Variants in ATP10A observed in about 807,000 individuals in gnomAD.
ATP10A encodes the protein ATPase phospholipid transporting 10A (putative), also known as phospholipid-transporting ATPase VA.
A neutral mutation model predicts 147.8 loss-of-function variants in ATP10A; 111 were observed. The observed-to-expected ratio is 0.75, with a 90% CI of 0.64 to 0.88. The LOEUF is 0.88. ATP10A is among the 40% of genes least tolerant of loss of function. The probability of loss-of-function intolerance (pLI) is 0.00; values close to 1 mark genes in which losing one functional copy is unlikely to be tolerated. For synonymous variants in ATP10A, 875 were observed against 841.6 expected (o/e 1.04, Z -0.69); for missense variants, 1,927 against 1,959.0 (o/e 0.98, Z 0.31).
At chr15:25,796,952 C>A (rs1337073053) in intron 1 of ATP10A, among the ~76,000 whole-genome samples, 1 of 152,196 alleles carries the variant, frequency 6.6e-6, no homozygotes, top group Non-Finnish European at 1.5e-5. Flanking sequence ...TTAAATCAAA[C>A]CATTAACATC....
chr15:25,817,742 T>G (rs1045870868), intron 1 of ATP10A, among the ~76,000 whole-genome samples: 1 of 152,212 alleles, frequency 6.6e-6, no homozygotes, highest in Non-Finnish European at 1.5e-5. Flanking sequence ...TACATGGATA[T>G]CCACCTCTAC....
intron 1 of ATP10A, among the ~76,000 whole-genome samples, chr15:25,816,570 C>T (rs1891664029): frequency 6.6e-6 from 1 of 152,162 alleles, no homozygotes; most frequent in Admixed American, 6.5e-5. Flanking sequence ...AATATTTTCA[C>T]AAGTACTGCC....
intron 14 of ATP10A, among the ~76,000 whole-genome samples, chr15:25,694,207 C>T: frequency 6.6e-6 from 1 of 152,214 alleles, no homozygotes; most frequent in South Asian, 2.1e-4. Flanking sequence ...CAGGGCTCTC[C>T]AGGCCAACAG....
At chr15:25,713,646 G>T (rs1256196319) in intron 10 of ATP10A, 28 bp downstream of exon 10, 2 of 1,605,366 alleles carry the variant, frequency 1.2e-6, no homozygotes, top group Non-Finnish European at 8.5e-7. Flanking sequence ...CCCCGAGCTG[G>T]GGTGCAGCTG....
intron 12 of ATP10A, among the ~76,000 whole-genome samples, chr15:25,703,938 C>T (rs1472715146): frequency 6.6e-6 from 1 of 152,248 alleles, no homozygotes; most frequent in Non-Finnish European, 1.5e-5. Context: ...AACCTTATAA[C>T]CTGAGTACCC....
intron 1 of ATP10A, among the ~76,000 whole-genome samples, chr15:25,801,315 C>T (rs1220074369): frequency 7.9e-5 from 12 of 152,176 alleles, no homozygotes; most frequent in South Asian, 2.1e-4. Context: ...AGAAGAGGAG[C>T]GAGGGGTGGG....
At chr15:25,799,099 T>A (rs1215869929) in intron 1 of ATP10A, among the ~76,000 whole-genome samples, 2 of 152,156 alleles carry the variant, frequency 1.3e-5, no homozygotes, top group Non-Finnish European at 2.9e-5. Flanking sequence ...TCACTAGTCA[T>A]CGATGACTTC....
In ATP10A at chr15:25,716,931, GA is replaced by G; in HGVS notation, c.1582-8del. 6.4e-7 allele frequency: 1 copy of G among 1,551,662 alleles called. No homozygotes were observed. Among genetic ancestry groups the G allele is most frequent in the Admixed American group, 1.9e-5 (1 of 52,878 alleles). On this transcript the variant is annotated splice_polypyrimidine_tract_variant and splice_region_variant and intron_variant, in intron 8 of 20. Coordinates refer to ENST00000555815, the MANE Select transcript of ATP10A (RefSeq NM_024490.4). ...CGGGCGTGATATCCTTCTCCTGGGAGAAAGGGAGGCTGGCAGTGAGTCCCAC... is the reference window on the plus strand; with the variant it reads ...CGGGCGTGATATCCTTCTCCTGGGAGAAGGGAGGCTGGCAGTGAGTCCCAC...
intron 16 of ATP10A, among the ~76,000 whole-genome samples, chr15:25,686,417 T>C (rs995631097): frequency 9.4e-6 from 1 of 106,002 alleles, no homozygotes; most frequent in Non-Finnish European, 1.7e-5. Flanking sequence ...GCCCAGGAAG[T>C]TGAGGCTGCA....
At chr15:25,695,653 A>G (rs1025079138) in intron 13 of ATP10A, among the ~76,000 whole-genome samples, 4 of 152,042 alleles carry the variant, frequency 2.6e-5, no homozygotes, top group African/African-American at 9.7e-5. Flanking sequence ...GAACTGGTCT[A>G]GGTTTCTCTA....
chr15:25,766,744 G>A (rs890619193), intron 2 of ATP10A, among the ~76,000 whole-genome samples: 8 of 151,972 alleles, frequency 5.3e-5, no homozygotes, highest in African/African-American at 9.6e-5. Flanking sequence ...TGTCTGTGCC[G>A]CCTGCAAGCG....
In ATP10A at chr15:25,708,013, C is replaced by T. The variant is rs779951091; in HGVS notation, c.2538G>A (p.Gln846=). ...SLENSEELLF[Q]SAIRLETNLH... ...GGTTGGTCTCCAGGCGAATGGCAGACTGGAAGAGGAGCTCCTCGCTGTTTT... is the reference window on the plus strand; with the variant it reads ...GGTTGGTCTCCAGGCGAATGGCAGATTGGAAGAGGAGCTCCTCGCTGTTTT... The change falls in exon 12 of 21, where the codon CAG becomes CAA. Residue 846 remains glutamine (Q), a synonymous_variant. Transcript: ENST00000555815. 2 of 1,614,194 alleles carry T rather than the reference C, an allele frequency of 1.2e-6. No homozygotes were observed. Among genetic ancestry groups the T allele is most frequent in the South Asian group, 1.1e-5 (1 of 91,086 alleles).
intron 2 of ATP10A, among the ~76,000 whole-genome samples, chr15:25,741,928 A>G (rs1445894433): frequency 6.6e-6 from 1 of 152,252 alleles, no homozygotes; most frequent in Non-Finnish European, 1.5e-5. Flanking sequence ...AACTTAACTC[A>G]AAGTGATAAT....
intron 7 of ATP10A, 85 bp from the exon 8 acceptor site, chr15:25,718,484 G>C (rs1038075320): frequency 1.4e-6 from 2 of 1,412,320 alleles, no homozygotes; most frequent in Admixed American, 2.0e-5. Context: ...TTTAGGTTCC[G>C]CGAGGCTTCC....
intron 1 of ATP10A, among the ~76,000 whole-genome samples, chr15:25,787,473 G>A (rs1400706411): frequency 2.0e-5 from 3 of 151,884 alleles, no homozygotes; most frequent in Admixed American, 6.6e-5. Flanking sequence ...AATGAGCCAG[G>A]TGTGCTGGCA....
At chr15:25,694,061 T>C (rs1187371683) in intron 14 of ATP10A, among the ~76,000 whole-genome samples, 3 of 151,910 alleles carry the variant, frequency 2.0e-5, no homozygotes, top group Non-Finnish European at 4.4e-5. Flanking sequence ...ACTGCTTCCT[T>C]CCTGGCCCTC....
At chr15:25,814,175 G>C (rs953787515) in intron 1 of ATP10A, among the ~76,000 whole-genome samples, 1 of 151,928 alleles carries the variant, frequency 6.6e-6, no homozygotes, top group Non-Finnish European at 1.5e-5. Flanking sequence ...GAGAAGTAAA[G>C]GTAAGAACTA....
intron 2 of ATP10A, among the ~76,000 whole-genome samples, chr15:25,749,655 G>C (rs2140544509): frequency 6.6e-6 from 1 of 152,248 alleles, no homozygotes; most frequent in East Asian, 1.9e-4. Flanking sequence ...ATAATAAAGA[G>C]AATAAGTAAG....
intron 2 of ATP10A, among the ~76,000 whole-genome samples, chr15:25,757,462 T>C (rs1003093486): frequency 6.6e-6 from 1 of 152,118 alleles, no homozygotes; most frequent in Non-Finnish European, 1.5e-5. Flanking sequence ...GAGAAAAATC[T>C]TGAGAAGATA....
Sources: allele counts gnomAD v4.1 joint callset (sites outside exome capture counted in the v4.1 genomes callset), GRCh38; gene constraint gnomAD v4.1.1; transcripts MANE v1.5; gene names NCBI Gene and HGNC (gene_info 2026-07-23, HGNC 2026-07-21).